Variants in PIP5K1B observed in about 807,000 individuals in gnomAD.
PIP5K1B encodes phosphatidylinositol 4-phosphate 5-kinase type-1 beta.
Under a neutral mutation model 67.0 loss-of-function variants are expected in PIP5K1B, and 42 were observed. The ratio of observed to expected loss-of-function variants is 0.63; its 90% CI spans 0.49 to 0.81. The LOEUF (loss-of-function observed/expected upper bound fraction) is 0.81, where lower values mean the gene tolerates loss of function less well. Ranked by LOEUF, PIP5K1B falls within the 30% of genes least tolerant of loss-of-function variation. The probability of loss-of-function intolerance (pLI) is 0.00; values close to 1 mark genes in which losing one functional copy is unlikely to be tolerated. For synonymous variants in PIP5K1B, 214 were observed against 231.4 expected (o/e 0.92, Z 0.68); for missense variants, 459 against 646.3 (o/e 0.71, Z 3.14).
intron 4 of PIP5K1B, among the ~76,000 whole-genome samples, chr9:68,830,837 C>G (rs138265629): frequency 6.6e-6 from 1 of 152,126 alleles, no homozygotes; most frequent in Non-Finnish European, 1.5e-5. Context: ...AATTAAAAGG[C>G]TTAATATAAG....
chr9:68,917,801 A>C (rs373136302), intron 9 of PIP5K1B, 42 bp downstream of exon 9: 30 of 1,404,816 alleles, frequency 2.1e-5, no homozygotes, highest in Admixed American at 3.4e-5. Context: ...TGACTGTGGC[A>C]GCCCACGTCA....
chr9:68,886,160 C>T (rs1824462154), intron 6 of PIP5K1B, among the ~76,000 whole-genome samples: 1 of 150,916 alleles, frequency 6.6e-6, no homozygotes, highest in Admixed American at 6.6e-5. Flanking sequence ...GCCTGGGTGT[C>T]AGAGCGAGAC....
intron 4 of PIP5K1B, among the ~76,000 whole-genome samples, chr9:68,857,099 G>A (rs1822816174): frequency 1.3e-5 from 2 of 152,078 alleles, no homozygotes; most frequent in South Asian, 2.1e-4. Context: ...GGAGGAAGAG[G>A]CCACAAGGAA....
chr9:68,840,239 T>A (rs1821847671), intron 4 of PIP5K1B, among the ~76,000 whole-genome samples: 1 of 152,048 alleles, frequency 6.6e-6, no homozygotes, highest in Admixed American at 6.5e-5. Context: ...TAGCCGGGCA[T>A]GGTGGCGCAT....
At chr9:68,740,167 T>C (rs1564099675) in intron 1 of PIP5K1B, among the ~76,000 whole-genome samples, 1 of 152,154 alleles carries the variant, frequency 6.6e-6, no homozygotes, top group Non-Finnish European at 1.5e-5. Flanking sequence ...ATATATGTGT[T>C]TGCATCCAGT....
At chr9:68,951,257 T>G (rs1828052397) in intron 14 of PIP5K1B, among the ~76,000 whole-genome samples, 1 of 152,200 alleles carries the variant, frequency 6.6e-6, no homozygotes, top group Admixed American at 6.5e-5. Context: ...ACCAGATTTG[T>G]TTTCAAAATG....
At position 68,722,906 on chromosome 9, in the gene PIP5K1B, A is replaced by G. The variant is rs971157315; in HGVS notation, c.-243+17144A>G. Among the ~76,000 whole-genome samples, 22 of 152,212 alleles carry G rather than the reference A, an allele frequency of 1.4e-4. 1 individual carries two copies. Among genetic ancestry groups the G allele is most frequent in the African/African-American group, 4.6e-4 (19 of 41,528 alleles). Reference sequence around the variant, plus strand: ...TAAAATACTAGAACTTTTCCCATCTATCTGTGTTTTTGTATCCTTAACCAA... The same window carrying G: ...TAAAATACTAGAACTTTTCCCATCTGTCTGTGTTTTTGTATCCTTAACCAA... On this transcript the variant is annotated intron_variant, in intron 1 of 15. Coordinates refer to ENST00000265382, the MANE Select transcript of PIP5K1B (RefSeq NM_003558.4).
At chr9:68,935,081 T>C (rs200149447) in intron 13 of PIP5K1B, 36 bp downstream of exon 13, 1,055 of 1,570,706 alleles carry the variant, frequency 6.7e-4, no homozygotes, top group Non-Finnish European at 8.6e-4. Flanking sequence ...AGACAAACGT[T>C]CTTGTGATTT....
chr9:68,987,200 T>C (rs7048167), intron 14 of PIP5K1B, among the ~76,000 whole-genome samples: 46,802 of 151,406 alleles, frequency 0.31, 9,661 homozygotes, highest in African/African-American at 0.58. Context: ...TGCAGTGAAC[T>C]GAGATCTCAC....
chr9:68,997,287 C>T (rs1011253198), intron 15 of PIP5K1B, among the ~76,000 whole-genome samples: 4 of 152,208 alleles, frequency 2.6e-5, no homozygotes, highest in Non-Finnish European at 5.9e-5. Flanking sequence ...AAAGAAACTG[C>T]ATTTCTGGAT....
At chr9:68,729,253 A>G (rs936338057) in intron 1 of PIP5K1B, among the ~76,000 whole-genome samples, 1 of 152,210 alleles carries the variant, frequency 6.6e-6, no homozygotes, top group Non-Finnish European at 1.5e-5. Flanking sequence ...ATATCCAAAT[A>G]TATTCATGTT....
chr9:68,970,525 G>A (rs1263964065), intron 14 of PIP5K1B, among the ~76,000 whole-genome samples: 4 of 152,206 alleles, frequency 2.6e-5, no homozygotes, highest in African/African-American at 9.7e-5. Context: ...AGAGTAGGTT[G>A]TGAATACCAA....
chr9:68,822,810 A>T, intron 4 of PIP5K1B, 127 bp downstream of exon 4: 2 of 688,450 alleles, frequency 2.9e-6, no homozygotes, highest in Non-Finnish European at 5.2e-6. Flanking sequence ...TGCTGCTATA[A>T]CTAATTACTG....
intron 4 of PIP5K1B, among the ~76,000 whole-genome samples, chr9:68,834,252 G>A (rs538395012): frequency 2.6e-5 from 4 of 152,246 alleles, no homozygotes; most frequent in South Asian, 2.1e-4. Flanking sequence ...AACTGCGGCC[G>A]CACTGAATGC....
chr9:68,797,702 A>G (rs1479619106), intron 2 of PIP5K1B, among the ~76,000 whole-genome samples: 1 of 152,202 alleles, frequency 6.6e-6, no homozygotes, highest in Non-Finnish European at 1.5e-5. Context: ...ACAGATTCAC[A>G]AAGAGATTGG....
At chr9:68,924,835 G>T (rs1173532708) in intron 12 of PIP5K1B, among the ~76,000 whole-genome samples, 2 of 151,188 alleles carry the variant, frequency 1.3e-5, no homozygotes, top group African/African-American at 4.9e-5. Flanking sequence ...TAAACATTTT[G>T]GAAAATACAA....
intron 14 of PIP5K1B, among the ~76,000 whole-genome samples, chr9:68,976,580 GGT>G (rs1564286746): frequency 6.6e-6 from 1 of 152,154 alleles, no homozygotes; most frequent in Non-Finnish European, 1.5e-5. Context: ...CTATGACAGT[GGT>G]CCCCAACCCT....
chr9:68,817,761 G>C (rs966721421), intron 2 of PIP5K1B, among the ~76,000 whole-genome samples: 3 of 120,558 alleles, frequency 2.5e-5, no homozygotes, highest in Admixed American at 1.1e-4. Flanking sequence ...TCACTATGTT[G>C]CCCAGGCTGG....
chr9:68,917,663 G>A lies in PIP5K1B; in HGVS notation c.887G>A (p.Arg296Gln), dbSNP rs748104975. 7.4e-6 allele frequency: 12 copies of A among 1,614,084 alleles called. No homozygotes were observed. Among genetic ancestry groups the A allele is most frequent in the East Asian group, 2.2e-5 (1 of 44,890 alleles). Reference protein sequence around the residue: ...ETPQNVPDAKRTGMQKVLYST... With the variant: ...ETPQNVPDAKQTGMQKVLYST... ...CCACAAAATGTGCCTGATGCTAAGCGGACTGGGATGCAGAAGGTTCTCTAC... is the reference window on the plus strand; with the variant it reads ...CCACAAAATGTGCCTGATGCTAAGCAGACTGGGATGCAGAAGGTTCTCTAC... The change falls in exon 9 of 16, where the codon CGG becomes CAG. Residue 296 changes from arginine (R) to glutamine (Q), a missense_variant. Physicochemically the swap from Arg to Gln is conservative, Grantham distance 43. Coordinates refer to ENST00000265382, the MANE Select transcript of PIP5K1B (RefSeq NM_003558.4).
Sources: allele counts gnomAD v4.1 joint callset (sites outside exome capture counted in the v4.1 genomes callset), GRCh38; gene constraint gnomAD v4.1.1; transcripts MANE v1.5; gene names NCBI Gene and HGNC (gene_info 2026-07-23, HGNC 2026-07-21).